Variants in ITGB8 observed in about 807,000 individuals in gnomAD.
The protein encoded by ITGB8 is integrin beta-8.
A neutral mutation model predicts 89.5 loss-of-function variants in ITGB8; 30 were observed. The observed-to-expected ratio is 0.34, with a 90% CI of 0.25 to 0.45. The LOEUF is 0.45. Among genes scored for constraint, ITGB8 ranks in the 20% least tolerant of loss-of-function variants. ITGB8 has a pLI of 1.00. For synonymous variants in ITGB8, 335 were observed against 320.4 expected (o/e 1.05, Z -0.49); for missense variants, 836 against 933.3 (o/e 0.90, Z 1.36).
intron 2 of ITGB8, chr7:20,365,031 G>A (rs1263319347): frequency 1.3e-5 from 2 of 152,218 alleles, no homozygotes; most frequent in African/African-American, 4.8e-5. Flanking sequence ...CCAGTTGTCA[G>A]CCACATGTAA....
intron 8 of ITGB8, among the ~76,000 whole-genome samples, chr7:20,396,730 C>T (rs1481556782): frequency 6.6e-6 from 1 of 152,128 alleles, no homozygotes; most frequent in Non-Finnish European, 1.5e-5. Context: ...ACTCTAAATT[C>T]TTTAGTATGA....
chr7:20,359,384 T>C (rs1054117110), intron 1 of ITGB8, among the ~76,000 whole-genome samples: 1 of 152,160 alleles, frequency 6.6e-6, no homozygotes, highest in Non-Finnish European at 1.5e-5. Context: ...ACTAGGCAAA[T>C]AGCTGAACAA....
chr7:20,351,084 C>T (rs950139786), intron 1 of ITGB8, among the ~76,000 whole-genome samples: 1 of 152,206 alleles, frequency 6.6e-6, no homozygotes, highest in South Asian at 2.1e-4. Flanking sequence ...GAGAATCTAA[C>T]ATTCTTATCT....
At chr7:20,384,184 A>G (rs971800990) in intron 6 of ITGB8, among the ~76,000 whole-genome samples, 2 of 152,154 alleles carry the variant, frequency 1.3e-5, no homozygotes, top group African/African-American at 4.8e-5. Flanking sequence ...TTTGGCCATT[A>G]TGGAGGAATT....
At chr7:20,359,159 A>C (rs1785406776) in intron 1 of ITGB8, among the ~76,000 whole-genome samples, 1 of 152,170 alleles carries the variant, frequency 6.6e-6, no homozygotes, top group African/African-American at 2.4e-5. Flanking sequence ...CGTGGATAGC[A>C]CTAAGGCAGT....
At chr7:20,360,673 A>ATTAT (rs1554303749) in intron 1 of ITGB8, among the ~76,000 whole-genome samples, 2 of 151,190 alleles carry the variant, frequency 1.3e-5, no homozygotes, top group Admixed American at 1.3e-4. Flanking sequence ...AAAGGACATT[A>ATTAT]TTTTTTTACG....
intron 1 of ITGB8, among the ~76,000 whole-genome samples, chr7:20,337,455 A>G (rs1784613490): frequency 6.6e-6 from 1 of 151,798 alleles, no homozygotes; most frequent in Non-Finnish European, 1.5e-5. Context: ...AAAAATAACA[A>G]CGATTAAGTT....
chr7:20,381,673 C>T (rs1053971955), intron 5 of ITGB8, 54 bp from the exon 6 acceptor site: 101 of 1,395,918 alleles, frequency 7.2e-5, no homozygotes, highest in Non-Finnish European at 8.9e-5. Flanking sequence ...AGGTAAAAAC[C>T]ACAGTACACA....
intron 2 of ITGB8, chr7:20,364,704 A>G (rs148788449): frequency 2.0e-5 from 3 of 152,330 alleles, no homozygotes; most frequent in African/African-American, 7.2e-5. Flanking sequence ...TGTCATAGAG[A>G]GGACAACTTC....
At chr7:20,393,187 C>T (rs1786933594) in intron 7 of ITGB8, among the ~76,000 whole-genome samples, 1 of 152,184 alleles carries the variant, frequency 6.6e-6, no homozygotes, top group Non-Finnish European at 1.5e-5. Context: ...TTTGCTTCCT[C>T]TTTGCTGTTT....
chr7:20,385,435 T>C (rs1412074150), intron 6 of ITGB8, among the ~76,000 whole-genome samples: 3 of 152,222 alleles, frequency 2.0e-5, no homozygotes, highest in African/African-American at 7.2e-5. Context: ...CCAGTGATTC[T>C]TTATCCCTCC....
intron 1 of ITGB8, among the ~76,000 whole-genome samples, chr7:20,337,982 C>G (rs1784631411): frequency 6.6e-6 from 1 of 152,206 alleles, no homozygotes; most frequent in African/African-American, 2.4e-5. Flanking sequence ...GTAAACAGAG[C>G]TTGGACATGC....
intron 1 of ITGB8, among the ~76,000 whole-genome samples, chr7:20,357,533 C>G (rs1227736230): frequency 6.6e-6 from 1 of 151,760 alleles, no homozygotes. Flanking sequence ...GATAATATAC[C>G]CAACATAGAT....
rs1248853866 is a variant in ITGB8, at chr7:20,413,637, C to T, written c.*3640C>T. ...AATTTAATGGTATAATGAAGTTCTT[C>T]ATTTCCAGACATCTTTAATTGATCT... On this transcript the variant is annotated 3_prime_UTR_variant, in exon 14 of 14. Coordinates refer to ENST00000222573, the MANE Select transcript of ITGB8 (RefSeq NM_002214.3). 2.0e-5 allele frequency: 3 copies of T among 152,162 alleles called. No homozygotes were observed. The South Asian group carries it at 6.2e-4, about 32-fold the overall frequency. The allele number at this position is 152,162 out of a possible 1,614,324, so 9.4% of individuals were successfully genotyped here.
At chr7:20,342,556 T>C (rs971845550) in intron 1 of ITGB8, among the ~76,000 whole-genome samples, 1 of 152,106 alleles carries the variant, frequency 6.6e-6, no homozygotes, top group African/African-American at 2.4e-5. Context: ...AACTCTTCCA[T>C]CCAAAAGATC....
In ITGB8 at chr7:20,411,511, T is replaced by G. The variant is rs559690578; in HGVS notation, c.*1514T>G. 1 of 152,700 alleles carries G rather than the reference T, an allele frequency of 6.5e-6. No homozygotes were observed. The highest frequency in any genetic ancestry group is 2.1e-4 in the South Asian group (1 of 4,826). The allele number at this position is 152,700 out of a possible 1,614,324, so 9.5% of individuals were successfully genotyped here. On this transcript the variant is annotated 3_prime_UTR_variant, in exon 14 of 14. Transcript: ENST00000222573. The stretch of plus-strand genomic sequence containing the variant: ...TGAGCCTCAGAAAACTTAAACGATT[T>G]CTCAGAAAACACTCAAGTGATAAAG...
chr7:20,390,471 TCTAAA>T (rs1173049588), intron 6 of ITGB8, among the ~76,000 whole-genome samples: 2 of 152,154 alleles, frequency 1.3e-5, no homozygotes, highest in African/African-American at 4.8e-5. Context: ...TCTCATGTTC[TCTAAA>T]CTAAATTTTA....
In ITGB8 at chr7:20,331,730, C is replaced by A. The variant is rs1485980234; in HGVS notation, c.-77C>A. On this transcript the variant is annotated 5_prime_UTR_variant, in exon 1 of 14. Coordinates refer to ENST00000222573, the MANE Select transcript of ITGB8 (RefSeq NM_002214.3). ...CTAGCGACACTCGGCCCGCGGGCCC[C>A]GAGGTGCGCCCGGGAGGCGCGAGCC... is the stretch of plus-strand genomic sequence containing the variant. The A allele has an allele frequency of 4.0e-6, 6 of 1,489,200 alleles. No homozygotes were observed. In the African/African-American group the frequency reaches 5.7e-5, roughly 14 times the overall value. The allele number at this position is 1,489,200 out of a possible 1,614,324, so 92.2% of individuals were successfully genotyped here. A position where few individuals can be genotyped will look rare whatever the true frequency, so the allele number is the denominator to read the frequency against.
intron 1 of ITGB8, among the ~76,000 whole-genome samples, chr7:20,345,496 A>G (rs1784894592): frequency 6.6e-6 from 1 of 152,080 alleles, no homozygotes. Context: ...TGCCATTTCA[A>G]GTAGATTAGA....
Sources: allele counts gnomAD v4.1 joint callset (sites outside exome capture counted in the v4.1 genomes callset), GRCh38; gene constraint gnomAD v4.1.1; transcripts MANE v1.5; gene names NCBI Gene and HGNC (gene_info 2026-07-23, HGNC 2026-07-21).